The following WASF3 variants were observed in gnomAD, a reference collection of about 807,000 sequenced individuals.
The protein encoded by WASF3 is actin-binding protein WASF3.
A neutral mutation model predicts 46.6 loss-of-function variants in WASF3; 11 were observed. The ratio of observed to expected loss-of-function variants is 0.24; its 90% CI spans 0.15 to 0.39. WASF3 has a LOEUF of 0.39. Ranked by LOEUF, WASF3 falls within the 10% of genes least tolerant of loss-of-function variation. The pLI, the probability that WASF3 is intolerant of heterozygous loss-of-function variation, is 1.00. For synonymous variants in WASF3, 242 were observed against 259.7 expected, an observed-to-expected ratio of 0.93 and a Z score of 0.65; for missense variants, 576 against 669.8, an observed-to-expected ratio of 0.86 and a Z score of 1.55.
At chr13:26,581,036 T>TC (rs772791044) in intron 1 of WASF3, among the ~76,000 whole-genome samples, 85 of 151,370 alleles carry the variant, frequency 5.6e-4, no homozygotes, top group Non-Finnish European at 9.1e-4. Flanking sequence ...GATCAGTTGA[T>TC]CCCCCCACCT....
intron 1 of WASF3, among the ~76,000 whole-genome samples, chr13:26,579,737 G>C (rs1879922932): frequency 6.6e-6 from 1 of 152,096 alleles, no homozygotes; most frequent in African/African-American, 2.4e-5. Flanking sequence ...TTAAAACCAG[G>C]AAATGGCGCT....
chr13:26,590,670 T>C (rs1434799084), intron 1 of WASF3, among the ~76,000 whole-genome samples: 2 of 152,218 alleles, frequency 1.3e-5, no homozygotes. Context: ...CTCTGCGTTC[T>C]TCTATGTAAA....
At chr13:26,628,000 G>A (rs1881525111) in intron 2 of WASF3, among the ~76,000 whole-genome samples, 1 of 152,132 alleles carries the variant, frequency 6.6e-6, no homozygotes, top group African/African-American at 2.4e-5. Flanking sequence ...AGCTGAGAGA[G>A]TTGGAGGGAA....
chr13:26,560,130 C>T (rs995350943), intron 1 of WASF3, among the ~76,000 whole-genome samples: 3 of 150,426 alleles, frequency 2.0e-5, no homozygotes, highest in African/African-American at 7.3e-5. Context: ...AATCTCTCAA[C>T]TTCTCTTCTC....
chr13:26,601,598 C>G (rs1337831519), intron 1 of WASF3, among the ~76,000 whole-genome samples: 2 of 152,188 alleles, frequency 1.3e-5, no homozygotes, highest in African/African-American at 4.8e-5. Context: ...ACAGAAAACT[C>G]TACAAGAGCA....
chr13:26,540,284 C>A, the WASF3 span, among the ~76,000 whole-genome samples: 157 of 152,338 alleles, frequency 1.0e-3, 1 homozygote, highest in Middle Eastern at 3.4e-3. Context: ...GCAACAGGAT[C>A]TGCCCAGGAA....
At chr13:26,562,024 A>G (rs1168262763) in intron 1 of WASF3, among the ~76,000 whole-genome samples, 1 of 152,240 alleles carries the variant, frequency 6.6e-6, no homozygotes, top group Non-Finnish European at 1.5e-5. Context: ...TTAGGACATT[A>G]AGTACTTACG....
chr13:26,565,799 T>C (rs1003168741), intron 1 of WASF3, among the ~76,000 whole-genome samples: 2 of 152,220 alleles, frequency 1.3e-5, no homozygotes, highest in African/African-American at 4.8e-5. Flanking sequence ...TTACAAAGTT[T>C]ATCAATGAAA....
At chr13:26,582,092 C>A (rs907098453) in intron 1 of WASF3, among the ~76,000 whole-genome samples, 2 of 152,200 alleles carry the variant, frequency 1.3e-5, no homozygotes, top group Non-Finnish European at 2.9e-5. Context: ...ATTTCTAACT[C>A]ATTTGATACT....
chr13:26,621,081 T>TG (rs887927558), intron 2 of WASF3, among the ~76,000 whole-genome samples: 1 of 152,156 alleles, frequency 6.6e-6, no homozygotes, highest in Admixed American at 6.6e-5. Context: ...AGCAGGATGC[T>TG]GGGGGGTCTG....
chr13:26,587,228 A>T (rs1271320836), intron 1 of WASF3, among the ~76,000 whole-genome samples: 1 of 147,392 alleles, frequency 6.8e-6, no homozygotes, highest in Non-Finnish European at 1.5e-5. Flanking sequence ...GGGTCCTCAT[A>T]CTTGGAAAAA....
the WASF3 span, among the ~76,000 whole-genome samples, chr13:26,548,469 A>G: frequency 1.3e-5 from 2 of 152,138 alleles, no homozygotes; most frequent in African/African-American, 2.4e-5. Context: ...TGAGAACTTT[A>G]TAACTCATCT....
intron 1 of WASF3, among the ~76,000 whole-genome samples, chr13:26,561,913 C>G (rs1240274195): frequency 1.3e-5 from 2 of 152,204 alleles, no homozygotes; most frequent in Non-Finnish European, 2.9e-5. Flanking sequence ...CAAGTGTACA[C>G]ATACTGTATT....
intron 2 of WASF3, among the ~76,000 whole-genome samples, chr13:26,632,509 C>A (rs1043755594): frequency 2.6e-5 from 4 of 152,140 alleles, no homozygotes; most frequent in Admixed American, 2.6e-4. Flanking sequence ...GCCTTGCATC[C>A]CAGGCATGAA....
At chr13:26,562,821 C>G (rs1258517124) in intron 1 of WASF3, among the ~76,000 whole-genome samples, 1 of 142,990 alleles carries the variant, frequency 7.0e-6, no homozygotes, top group Non-Finnish European at 1.5e-5. Context: ...AGAGGGGCAT[C>G]TGGTGTAGGC....
At chr13:26,550,149 T>C in the WASF3 span, among the ~76,000 whole-genome samples, 1 of 152,204 alleles carries the variant, frequency 6.6e-6, no homozygotes, top group African/African-American at 2.4e-5. Flanking sequence ...GAAAGCATGA[T>C]AGGTCCCAGA....
At position 26,682,697 on chromosome 13, in the gene WASF3, C is replaced by T. The variant is rs369968636; in HGVS notation, c.1074C>T (p.Ala358=). The part of the protein sequence containing the change: ...PPPVIPSAQT[A]FVSPLQMPMQ... ...CTGTGATTCCCTCAGCACAAACTGC[C>T]TTCGTCAGCCCTCTCCAGATGCCCA... The change falls in exon 9 of 10, where the codon GCC becomes GCT. Residue 358 remains alanine (A), a synonymous_variant. Coordinates refer to ENST00000335327, the MANE Select transcript of WASF3 (RefSeq NM_006646.6). This position sits in a 1 kb window ranked among gnomAD's most constrained non-coding sequence, Gnocchi z 4.4. 1.4e-5 allele frequency: 23 copies of T among 1,614,156 alleles called. No individual in the cohort carries two copies. The highest frequency in any genetic ancestry group is 1.9e-5 in the Non-Finnish European group (23 of 1,180,046).
In WASF3 at chr13:26,595,886, C is replaced by T. The variant is rs575150517; in HGVS notation, c.-108-17075C>T. Among the ~76,000 whole-genome samples the T allele has an allele frequency of 2.1e-4, 32 of 152,292 alleles. 1 individual carries two copies. Among genetic ancestry groups the T allele is most frequent in the African/African-American group, 7.2e-4 (30 of 41,562 alleles). ...TATGGATATACCAGAGTTGGTTCAA[C>T]AATCCACGCAAACAACATTTGCATT... On this transcript the variant is annotated intron_variant, in intron 1 of 9. Coordinates refer to ENST00000335327, the MANE Select transcript of WASF3 (RefSeq NM_006646.6).
rs557061821 is a variant in WASF3, at chr13:26,563,296, G to A, written c.-109+5477G>A. Among the ~76,000 whole-genome samples, 5 of 152,122 alleles carry A rather than the reference G, an allele frequency of 3.3e-5. No homozygotes were observed. In the South Asian group the frequency reaches 6.2e-4, roughly 19 times the overall value. On this transcript the variant is annotated intron_variant, in intron 1 of 9. Coordinates refer to ENST00000335327, the MANE Select transcript of WASF3 (RefSeq NM_006646.6). The stretch of plus-strand genomic sequence containing the variant: ...GCTGGTCTTGAACTCCTGGGCTCAA[G>A]CAGTCCTCCCACCTTGGCCTCCCAA...
Sources: gnomAD v4.1 joint callset for allele counts (sites outside exome capture counted in the v4.1 genomes callset) on GRCh38, gnomAD v4.1.1 for gene constraint, Gnocchi (gnomAD v3.1) non-coding constraint, MANE v1.5 for transcripts, NCBI Gene and HGNC (gene_info 2026-07-23, HGNC 2026-07-21) for gene names.